The following ABCC4 variants were observed in gnomAD, a reference collection of about 807,000 sequenced individuals.
The protein encoded by ABCC4 is ATP-binding cassette sub-family C member 4.
In ABCC4, 102 loss-of-function variants were observed where a neutral mutation model predicts 168.5. That is an observed-to-expected ratio of 0.61 (90% CI 0.52 to 0.71). ABCC4 has a LOEUF of 0.71. ABCC4 is among the 30% of genes least tolerant of loss of function. The pLI, the probability that ABCC4 is intolerant of heterozygous loss-of-function variation, is 0.00. For missense variants in ABCC4, 1,402 were observed against 1,605.8 expected (o/e 0.87, Z 2.17); for synonymous variants, 617 against 590.7 (o/e 1.04, Z -0.65).
At chr13:95,079,493 T>A (rs1479346567) in intron 21 of ABCC4, among the ~76,000 whole-genome samples, 1 of 152,186 alleles carries the variant, frequency 6.6e-6, no homozygotes, top group African/African-American at 2.4e-5. Context: ...GCAACCCTCA[T>A]AAGTATTATA....
In ABCC4 at chr13:95,164,418, A is replaced by G; in HGVS notation, c.2135T>C (p.Ile712Thr). The G allele has an allele frequency of 1.2e-6, 2 of 1,614,206 alleles. No individual in the cohort carries two copies. The highest frequency in any genetic ancestry group is 1.7e-6 in the Non-Finnish European group (2 of 1,180,024). The change falls in exon 16 of 31, where the codon ATT (isoleucine) becomes ACT (threonine). Residue 712 changes from isoleucine to threonine, a missense_variant. By Grantham distance (89) the Ile-to-Thr change is moderately conservative. Coordinates refer to ENST00000645237, the MANE Select transcript of ABCC4 (RefSeq NM_005845.5). ...KNYFRAGAHW[I>T]VFIFLILLNT... ...TAGGAGAATAAGGAAAATGAAGACA[A>G]TCCAGTGAGCACCAGCTCTGAAGTA...
chr13:95,065,062 A>G (rs919260087), intron 25 of ABCC4, among the ~76,000 whole-genome samples: 3 of 152,164 alleles, frequency 2.0e-5, no homozygotes, highest in African/African-American at 4.8e-5. Context: ...GAAACTCAAC[A>G]TGATTAATAC....
intron 27 of ABCC4, 131 bp downstream of exon 27, chr13:95,052,964 C>A (rs1254331229): frequency 4.1e-6 from 3 of 728,678 alleles, no homozygotes; most frequent in Non-Finnish European, 7.1e-6. Context: ...TCCACATCCT[C>A]AATGATCTCC....
At chr13:95,178,146 T>G in intron 11 of ABCC4, 55 bp from the exon 12 acceptor site, 1 of 1,498,452 alleles carries the variant, frequency 6.7e-7, no homozygotes, top group Middle Eastern at 1.7e-4. Context: ...ATGTTCTTCC[T>G]CTGTTCTTTG....
intron 4 of ABCC4, among the ~76,000 whole-genome samples, chr13:95,224,582 C>A (rs1397207612): frequency 2.0e-5 from 3 of 151,936 alleles, no homozygotes; most frequent in South Asian, 4.2e-4. Flanking sequence ...ACCAAAAATA[C>A]AAAATTTAGC....
chr13:95,177,997 C>T lies in ABCC4; in HGVS notation c.1640G>A (p.Arg547Lys), dbSNP rs1406117320. The T allele has an allele frequency of 1.9e-6, 3 of 1,614,012 alleles. No individual in the cohort carries two copies. The African/African-American group carries it at 4.0e-5, about 22-fold the overall frequency. ...TAGTGGCTGCTGAAATGCAACTTACCTTGCAAGGTTTACCCGTGCTTTCTG... is the reference window on the plus strand; with the variant it reads ...TAGTGGCTGCTGAAATGCAACTTACTTTGCAAGGTTTACCCGTGCTTTCTG... ...GGQKARVNLA[R>K]AVYQDADIYL... The change falls in exon 12 of 31, where the codon AGA becomes AAA. Residue 547 changes from arginine (R) to lysine (K), a missense_variant and splice_region_variant. Arg to Lys is a conservative substitution (Grantham distance 26). Coordinates refer to ENST00000645237, the MANE Select transcript of ABCC4 (RefSeq NM_005845.5).
At chr13:95,139,923 C>A (rs1285517654) in intron 19 of ABCC4, among the ~76,000 whole-genome samples, 2 of 152,294 alleles carry the variant, frequency 1.3e-5, no homozygotes, top group African/African-American at 2.4e-5. Flanking sequence ...GGCAACCATG[C>A]AGATGGAAGG....
At chr13:95,040,965 C>G (rs1184331502) in intron 29 of ABCC4, among the ~76,000 whole-genome samples, 2 of 152,160 alleles carry the variant, frequency 1.3e-5, no homozygotes, top group African/African-American at 4.8e-5. Flanking sequence ...CTCACACTAC[C>G]AGGGAGAATC....
chr13:95,192,354 C>A (rs942248012), intron 9 of ABCC4, among the ~76,000 whole-genome samples: 2 of 152,142 alleles, frequency 1.3e-5, no homozygotes, highest in African/African-American at 4.8e-5. Flanking sequence ...CCTAATAATC[C>A]CTGCCAGTGT....
intron 8 of ABCC4, among the ~76,000 whole-genome samples, chr13:95,197,903 A>G (rs1332343265): frequency 6.6e-6 from 1 of 152,228 alleles, no homozygotes; most frequent in Non-Finnish European, 1.5e-5. Flanking sequence ...AAACTTCGCA[A>G]TAAAACCTTC....
rs1566539764 is a variant in ABCC4 at position 95,218,972 on chromosome 13, AG to A, written c.532-8192del. ...AAGAAAGAAAGAAAGAAAGAAAGAAAGAAAGAAAGAAAGAGTGAGAAAGAAA... is the reference window on the plus strand; with the variant it reads ...AAGAAAGAAAGAAAGAAAGAAAGAAAAAAGAAAGAAAGAGTGAGAAAGAAA... On this transcript the variant is annotated intron_variant, in intron 4 of 30. Coordinates refer to ENST00000645237, the MANE Select transcript of ABCC4 (RefSeq NM_005845.5). 3.6e-4 allele frequency among the ~76,000 whole-genome samples: 15 copies of A among 41,704 alleles called. 3 individuals are homozygous for A. Among genetic ancestry groups the A allele is most frequent in the African/African-American group, 1.6e-3 (14 of 8,678 alleles). The allele number at this position is 41,704 out of a possible 152,430, so 27.4% of individuals were successfully genotyped here. A position where few individuals can be genotyped will look rare whatever the true frequency, so the allele number is the denominator to read the frequency against.
chr13:95,069,706 C>T (rs1001211468), intron 25 of ABCC4, among the ~76,000 whole-genome samples: 3 of 152,164 alleles, frequency 2.0e-5, no homozygotes, highest in Admixed American at 6.5e-5. Flanking sequence ...CTTATAGCAC[C>T]GTCCTTAGGT....
chr13:95,141,444 A>T (rs545157572), intron 19 of ABCC4, among the ~76,000 whole-genome samples: 1 of 152,312 alleles, frequency 6.6e-6, no homozygotes, highest in African/African-American at 2.4e-5. Context: ...AAGTCAAAGA[A>T]TTTAAGAATC....
intron 19 of ABCC4, among the ~76,000 whole-genome samples, chr13:95,136,358 T>C (rs1173556289): frequency 2.0e-5 from 3 of 152,142 alleles, no homozygotes; most frequent in Non-Finnish European, 4.4e-5. Context: ...TCTCACTATG[T>C]TACCCAGGCT....
In ABCC4 at chr13:95,166,191, G is replaced by A. The variant is rs11568698; in HGVS notation, c.2001C>T (p.Pro667=). The A allele has an allele frequency of 4.1e-4, 655 of 1,614,130 alleles. 3 individuals are homozygous for A. The African/African-American group carries it at 6.8e-3, about 17-fold the overall frequency. ...TCTCCAGAGCACCATCTTTCAAGGAGGGTCTAGAAGATTGTTGAGACCAAA... is the reference window on the plus strand; with the variant it reads ...TCTCCAGAGCACCATCTTTCAAGGAAGGTCTAGAAGATTGTTGAGACCAAA... ...SSVWSQQSSR[P]SLKDGALESQ... is the part of the protein sequence containing the mutation. Residue 667 remains proline (P), a synonymous_variant, in exon 15 of 31, where the codon CCC becomes CCT. Transcript: ENST00000645237.
At chr13:95,241,236 A>G (rs1289590721) in intron 3 of ABCC4, among the ~76,000 whole-genome samples, 2 of 151,588 alleles carry the variant, frequency 1.3e-5, no homozygotes, top group East Asian at 1.9e-4. Flanking sequence ...GTGGTGGCGC[A>G]CACCTGTAGT....
chr13:95,258,428 G>A (rs2040445825), intron 1 of ABCC4, among the ~76,000 whole-genome samples: 1 of 152,068 alleles, frequency 6.6e-6, no homozygotes, highest in Admixed American at 6.6e-5. Context: ...CTTCTCTCCT[G>A]CAGGTCTCAA....
intron 4 of ABCC4, among the ~76,000 whole-genome samples, chr13:95,212,669 G>A (rs1481951429): frequency 6.6e-6 from 1 of 152,186 alleles, no homozygotes; most frequent in Non-Finnish European, 1.5e-5. Context: ...GTGACCAGGT[G>A]TAGAGGTGGA....
At position 95,083,154 on chromosome 13, in the gene ABCC4, C is replaced by A. The variant is rs781305510; in HGVS notation, c.2672G>T (p.Arg891Leu). ...TCCATACTCACTTGTAGATTCCAGG[C>A]GCTTCACATCTCTTGACGTTTCCAA... ...YFLETSRDVKRLESTTRSPVF... is the reference protein window; with the variant it reads ...YFLETSRDVKLLESTTRSPVF... Residue 891 changes from arginine to leucine, a missense_variant, in exon 21 of 31, where the codon CGC (arginine) becomes CTC (leucine). Arg to Leu is a moderately radical substitution (Grantham distance 102, BLOSUM62 -2). Transcript: ENST00000645237. 1.1e-5 allele frequency: 17 copies of A among 1,613,804 alleles called. No homozygotes were observed. In the East Asian group the frequency reaches 1.3e-4, roughly 13 times the overall value.
Sources: gnomAD v4.1 joint callset for allele counts (sites outside exome capture counted in the v4.1 genomes callset) on GRCh38, gnomAD v4.1.1 for gene constraint, MANE v1.5 for transcripts, NCBI Gene and HGNC (gene_info 2026-07-23, HGNC 2026-07-21) for gene names.